The following ZNRF3 variants were observed in gnomAD, a reference collection of about 807,000 sequenced individuals.
The protein encoded by ZNRF3 is zinc and ring finger 3.
A neutral mutation model predicts 72.5 loss-of-function variants in ZNRF3; 23 were observed. That is an observed-to-expected ratio of 0.32 (90% CI 0.23 to 0.45). The LOEUF (loss-of-function observed/expected upper bound fraction) is 0.45. Among genes scored for constraint, ZNRF3 ranks in the 20% least tolerant of loss-of-function variants. The probability of loss-of-function intolerance (pLI) is 1.00; values close to 1 mark genes in which losing one functional copy is unlikely to be tolerated. For missense variants in ZNRF3, 1,169 were observed against 1,272.1 expected, an observed-to-expected ratio of 0.92 and a Z score of 1.23; for synonymous variants, 610 against 545.3, an observed-to-expected ratio of 1.12 and a Z score of -1.65.
chr22:29,033,965 A>G (rs180816789), intron 2 of ZNRF3, among the ~76,000 whole-genome samples: 6 of 152,340 alleles, frequency 3.9e-5, no homozygotes, highest in Admixed American at 3.9e-4. Context: ...CAGAATGCTA[A>G]TGTCAAGTCC....
chr22:29,021,224 C>T (rs2036532725), intron 2 of ZNRF3, among the ~76,000 whole-genome samples: 1 of 151,652 alleles, frequency 6.6e-6, no homozygotes, highest in Admixed American at 6.6e-5. Context: ...ACGAGCGAAA[C>T]TCTGTCTCAA....
intron 2 of ZNRF3, among the ~76,000 whole-genome samples, chr22:29,033,664 T>C (rs778480244): frequency 5.3e-5 from 8 of 152,044 alleles, no homozygotes; most frequent in South Asian, 2.1e-4. Flanking sequence ...AAACGATGGA[T>C]GGATTTGGAA....
intron 1 of ZNRF3, among the ~76,000 whole-genome samples, chr22:28,937,665 C>T (rs2034865002): frequency 6.6e-6 from 1 of 152,120 alleles, no homozygotes; most frequent in Admixed American, 6.5e-5. Context: ...GATGCTGCTG[C>T]TACTGCAGCT....
intron 1 of ZNRF3, among the ~76,000 whole-genome samples, chr22:28,903,569 T>A (rs1453350634): frequency 6.6e-6 from 1 of 152,126 alleles, no homozygotes; most frequent in Non-Finnish European, 1.5e-5. Flanking sequence ...AATTTTTTTT[T>A]AAATCCCCTC....
At chr22:29,003,732 C>T (rs2036194216) in intron 2 of ZNRF3, among the ~76,000 whole-genome samples, 1 of 151,854 alleles carries the variant, frequency 6.6e-6, no homozygotes, top group African/African-American at 2.4e-5. Flanking sequence ...CCCAGCTACT[C>T]GGGAGGCTGG....
At chr22:28,938,977 G>C (rs1452140070) in intron 1 of ZNRF3, among the ~76,000 whole-genome samples, 1 of 152,116 alleles carries the variant, frequency 6.6e-6, no homozygotes. Context: ...ACCTCTCTGA[G>C]TTTTTGGTAT....
intron 1 of ZNRF3, among the ~76,000 whole-genome samples, chr22:28,922,316 CTA>C (rs2034525348): frequency 6.6e-6 from 1 of 152,086 alleles, no homozygotes; most frequent in African/African-American, 2.4e-5. Flanking sequence ...GGCAAACAGT[CTA>C]TAGTGAAAAT....
chr22:28,940,893 T>C (rs1237167172), intron 1 of ZNRF3, among the ~76,000 whole-genome samples: 1 of 152,222 alleles, frequency 6.6e-6, no homozygotes, highest in Non-Finnish European at 1.5e-5. Context: ...TACAGAAATT[T>C]ATTTCATGGA....
Position 28,975,371 on chromosome 22 carries a change from G to A in ZNRF3, c.301-11705G>A, listed in dbSNP as rs147328662. On this transcript the variant is annotated intron_variant, in intron 1 of 8. Coordinates refer to ENST00000544604, the MANE Select transcript of ZNRF3 (RefSeq NM_001206998.2). The stretch of plus-strand genomic sequence containing the variant: ...ACCAAAATTAGCCGGGAGTGGTGGC[G>A]GACGCCTGTAGTCCCAGCTACTCGG... 2.3e-3 allele frequency among the ~76,000 whole-genome samples: 345 copies of A among 152,024 alleles called. 1 individual carries two copies. The highest frequency in any genetic ancestry group is 0.011 in the South Asian group (51 of 4,812).
intron 5 of ZNRF3, among the ~76,000 whole-genome samples, chr22:29,046,001 A>T (rs571476959): frequency 1.1e-3 from 170 of 152,208 alleles, no homozygotes; most frequent in Non-Finnish European, 2.1e-3. Flanking sequence ...CCTGATAGAA[A>T]TGCAGGGTCT....
intron 2 of ZNRF3, among the ~76,000 whole-genome samples, chr22:29,005,864 C>T (rs575862992): frequency 3.3e-5 from 5 of 152,100 alleles, no homozygotes; most frequent in South Asian, 2.1e-4. Flanking sequence ...GGAGAAACCC[C>T]GTCTCTACTA....
chr22:28,998,127 C>T (rs2036077728), intron 2 of ZNRF3, among the ~76,000 whole-genome samples: 1 of 151,500 alleles, frequency 6.6e-6, no homozygotes. Flanking sequence ...GGTGAAATCT[C>T]GTCTCTAGTA....
intron 2 of ZNRF3, among the ~76,000 whole-genome samples, chr22:28,988,526 T>C (rs2035896325): frequency 6.6e-6 from 1 of 152,124 alleles, no homozygotes. Context: ...TTGGAAAAAA[T>C]AACCCCACAG....
intron 2 of ZNRF3, among the ~76,000 whole-genome samples, chr22:29,038,114 A>C (rs985516454): frequency 2.6e-5 from 4 of 152,210 alleles, no homozygotes; most frequent in African/African-American, 9.7e-5. Flanking sequence ...TTGGACGTTA[A>C]GTATGTGACT....
chr22:28,988,642 G>A (rs746242796), intron 2 of ZNRF3, among the ~76,000 whole-genome samples: 14 of 152,352 alleles, frequency 9.2e-5, no homozygotes, highest in Non-Finnish European at 1.3e-4. Context: ...GAGCTGCTTA[G>A]TGGTGGTAGG....
intron 1 of ZNRF3, among the ~76,000 whole-genome samples, chr22:28,951,688 C>T (rs2035162858): frequency 6.6e-6 from 1 of 152,162 alleles, no homozygotes; most frequent in African/African-American, 2.4e-5. Context: ...CTCCCATGGC[C>T]CTGTGGTTCT....
intron 2 of ZNRF3, among the ~76,000 whole-genome samples, chr22:29,007,750 TCC>T (rs1430791158): frequency 0.22 from 16,777 of 75,146 alleles, 1,941 homozygotes; most frequent in African/African-American, 0.32. Flanking sequence ...TTCCATTTCT[TCC>T]TTTTTTTTTT....
chr22:28,907,627 T>C (rs1356604094), intron 1 of ZNRF3, among the ~76,000 whole-genome samples: 3 of 152,220 alleles, frequency 2.0e-5, no homozygotes, highest in African/African-American at 7.2e-5. Context: ...ATTTGATTAC[T>C]GGTACTAGCT....
chr22:28,885,930 CAAA>C (rs5844826), intron 1 of ZNRF3, among the ~76,000 whole-genome samples: 2 of 126,524 alleles, frequency 1.6e-5, no homozygotes, highest in African/African-American at 2.8e-5. Flanking sequence ...TTAGCCTAGC[CAAA>C]AAAAAAAAAA....
Sources: gnomAD v4.1 joint callset for allele counts (sites outside exome capture counted in the v4.1 genomes callset) on GRCh38, gnomAD v4.1.1 for gene constraint, MANE v1.5 for transcripts, NCBI Gene and HGNC (gene_info 2026-07-23, HGNC 2026-07-21) for gene names.